NDUFAF2: variants seen among roughly 807,000 people sequenced by gnomAD.
The protein encoded by NDUFAF2 is NADH:ubiquinone oxidoreductase complex assembly factor 2.
Under a neutral mutation model 22.8 loss-of-function variants are expected in NDUFAF2, and 13 were observed. The ratio of observed to expected loss-of-function variants is 0.57; its 90% CI spans 0.37 to 0.91. The LOEUF is 0.91. NDUFAF2 is among the 40% of genes least tolerant of loss of function. The pLI is 0.01. For missense variants in NDUFAF2, 162 were observed against 195.2 expected, an observed-to-expected ratio of 0.83 and a Z score of 1.01; for synonymous variants, 53 against 64.2, an observed-to-expected ratio of 0.83 and a Z score of 0.84.
intron 1 of NDUFAF2, among the ~76,000 whole-genome samples, chr5:60,978,915 G>C (rs926725454): frequency 5.9e-5 from 9 of 152,124 alleles, no homozygotes; most frequent in African/African-American, 2.2e-4. Flanking sequence ...CTCCCTGCTT[G>C]AAGAAAGGAG....
intron 1 of NDUFAF2, among the ~76,000 whole-genome samples, chr5:60,996,096 A>G (rs1249267264): frequency 2.0e-5 from 3 of 152,124 alleles, no homozygotes; most frequent in Non-Finnish European, 2.9e-5. Flanking sequence ...GAGCCAAGTC[A>G]TAGAACTGGG....
chr5:61,056,922 ATATATATAT>A lies in NDUFAF2; in HGVS notation c.128-16202_128-16194del, dbSNP rs1301593227. 5.9e-3 allele frequency among the ~76,000 whole-genome samples: 249 copies of A among 42,488 alleles called. 6 individuals carry two copies. The highest frequency in any genetic ancestry group is 0.014 in the East Asian group (13 of 908). 27.9% of individuals were successfully genotyped at this position (42,488 alleles called of 152,430 possible). ...AAAAAAAAAAAAAAAAAAAAAAAAT[ATATATATAT>A]ATATATATATATATATATATATTTA... On this transcript the variant is annotated intron_variant, in intron 1 of 3. Transcript: ENST00000296597.
intron 1 of NDUFAF2, among the ~76,000 whole-genome samples, chr5:61,052,373 C>G (rs763252656): frequency 6.6e-6 from 1 of 152,076 alleles, no homozygotes; most frequent in Admixed American, 6.6e-5. Context: ...TGCAGTGGTG[C>G]GTTCTCTGCT....
chr5:61,019,641 C>T (rs115997230), intron 1 of NDUFAF2, among the ~76,000 whole-genome samples: 1,965 of 152,028 alleles, frequency 0.013, 51 homozygotes, highest in African/African-American at 0.045. Context: ...TAAAATACCC[C>T]GTAGTGCTGG....
chr5:61,043,411 A>G (rs1751907003), intron 1 of NDUFAF2, among the ~76,000 whole-genome samples: 1 of 149,692 alleles, frequency 6.7e-6, no homozygotes, highest in Non-Finnish European at 1.5e-5. Flanking sequence ...TAAACTAAGT[A>G]GTCACCATGA....
chr5:61,047,843 A>G (rs188341406), intron 1 of NDUFAF2, among the ~76,000 whole-genome samples: 69 of 152,280 alleles, frequency 4.5e-4, no homozygotes, highest in Non-Finnish European at 8.8e-5. Context: ...ATGTGCCTAG[A>G]GTTAAAGTGG....
intron 3 of NDUFAF2, among the ~76,000 whole-genome samples, chr5:61,107,637 G>A (rs571986987): frequency 1.3e-5 from 2 of 149,500 alleles, no homozygotes; most frequent in Non-Finnish European, 3.0e-5. Flanking sequence ...ATGCTTGTGG[G>A]GTATTTCTCT....
At chr5:61,027,989 C>T (rs1751673756) in intron 1 of NDUFAF2, among the ~76,000 whole-genome samples, 1 of 151,928 alleles carries the variant, frequency 6.6e-6, no homozygotes, top group Admixed American at 6.6e-5. Context: ...GCCTTCTTTC[C>T]ACCTTCATGG....
chr5:61,086,938 T>A (rs1013627380), intron 2 of NDUFAF2, among the ~76,000 whole-genome samples: 1 of 152,124 alleles, frequency 6.6e-6, no homozygotes, highest in Admixed American at 6.6e-5. Flanking sequence ...ACATTAATTT[T>A]AAAATGGACA....
intron 1 of NDUFAF2, among the ~76,000 whole-genome samples, chr5:61,040,299 C>G (rs918806558): frequency 7.3e-5 from 11 of 149,792 alleles, no homozygotes; most frequent in African/African-American, 2.5e-4. Flanking sequence ...CGCGCGCGCG[C>G]GCGAAAGTTG....
At chr5:60,969,280 A>G (rs186856149) in intron 1 of NDUFAF2, among the ~76,000 whole-genome samples, 24 of 152,080 alleles carry the variant, frequency 1.6e-4, no homozygotes, top group African/African-American at 4.6e-4. Flanking sequence ...TTTCTGAGGA[A>G]ACTCCAAACT....
At chr5:61,125,512 T>C (rs1753026285) in intron 3 of NDUFAF2, among the ~76,000 whole-genome samples, 1 of 152,060 alleles carries the variant, frequency 6.6e-6, no homozygotes, top group Non-Finnish European at 1.5e-5. Context: ...TAGTTCTTAT[T>C]TTAAAAAGAA....
At chr5:61,084,650 G>A (rs1752484193) in intron 2 of NDUFAF2, among the ~76,000 whole-genome samples, 1 of 152,124 alleles carries the variant, frequency 6.6e-6, no homozygotes, top group Non-Finnish European at 1.5e-5. Context: ...GGATATATCA[G>A]AATTTCATTC....
chr5:61,042,213 T>A (rs1751892658), intron 1 of NDUFAF2, among the ~76,000 whole-genome samples: 1 of 152,162 alleles, frequency 6.6e-6, no homozygotes, highest in South Asian at 2.1e-4. Context: ...ATTCCATGAT[T>A]ATAATTTAAA....
rs776375318 is a variant in NDUFAF2 at position 60,945,208 on chromosome 5, C to T, written c.-48C>T. Reference sequence around the variant, plus strand: ...CTGGGTCGGCGGCTGGAGCATTACCCCTACTGCGGGTCCCGCTGCTGGCAG... The same window carrying T: ...CTGGGTCGGCGGCTGGAGCATTACCTCTACTGCGGGTCCCGCTGCTGGCAG... On this transcript the variant is annotated 5_prime_UTR_variant, in exon 1 of 4. Coordinates refer to ENST00000296597, the MANE Select transcript of NDUFAF2 (RefSeq NM_174889.5). 2.5e-6 allele frequency: 4 copies of T among 1,604,522 alleles called. No individual in the cohort carries two copies. Among genetic ancestry groups the T allele is most frequent in the Non-Finnish European group, 3.4e-6 (4 of 1,176,560 alleles).
intron 1 of NDUFAF2, among the ~76,000 whole-genome samples, chr5:61,032,800 G>A (rs567923982): frequency 7.9e-5 from 12 of 151,772 alleles, no homozygotes; most frequent in Non-Finnish European, 1.5e-4. Context: ...CATTGAATCT[G>A]TATAAATTTT....
chr5:61,066,511 G>T (rs765734272), intron 1 of NDUFAF2, among the ~76,000 whole-genome samples: 2 of 151,910 alleles, frequency 1.3e-5, no homozygotes, highest in Admixed American at 6.6e-5. Context: ...AAAACAGTAC[G>T]GTACTGGCAT....
intron 1 of NDUFAF2, among the ~76,000 whole-genome samples, chr5:60,992,493 CATT>C (rs1467804364): frequency 2.0e-5 from 3 of 152,044 alleles, no homozygotes; most frequent in Admixed American, 6.5e-5. Flanking sequence ...TATGGTGAGA[CATT>C]ATTATTTTTG....
intron 1 of NDUFAF2, among the ~76,000 whole-genome samples, chr5:61,008,158 G>T (rs1267513839): frequency 2.9e-4 from 36 of 122,788 alleles, no homozygotes; most frequent in Non-Finnish European, 4.7e-4. Context: ...GTTGTGGGGT[G>T]GGGGGAGGGG....
Sources: allele counts gnomAD v4.1 joint callset (sites outside exome capture counted in the v4.1 genomes callset), GRCh38; gene constraint gnomAD v4.1.1; transcripts MANE v1.5; gene names NCBI Gene and HGNC (gene_info 2026-07-23, HGNC 2026-07-21).